The following ELOF1 variants were observed in gnomAD, a reference collection of about 807,000 sequenced individuals.
The protein encoded by ELOF1 is elongation factor 1.
Under a neutral mutation model 7.1 loss-of-function variants are expected in ELOF1, and 4 were observed. That is an observed-to-expected ratio of 0.56 (90% CI 0.28 to 1.29). The LOEUF (loss-of-function observed/expected upper bound fraction) is 1.29, where lower values mean the gene tolerates loss of function less well. ELOF1 is among the 50% of genes most tolerant of loss of function. The pLI is 0.10. For synonymous variants in ELOF1, 31 were observed against 31.9 expected, an observed-to-expected ratio of 0.97 and a Z score of 0.09; for missense variants, 59 against 86.3, an observed-to-expected ratio of 0.68 and a Z score of 1.25.
exon 1 of ELOF1, chr19:11,559,204 G>C (rs551756752): frequency 1.3e-5 from 2 of 152,546 alleles, no homozygotes; most frequent in Admixed American, 6.6e-5. Context: ...CTCCAGCTGC[G>C]AAAGCTCCGT....
At chr19:11,555,776 C>T (rs3848587) in intron 1 of ELOF1, 34,950 of 152,472 alleles carry the variant, frequency 0.23, 7,479 homozygotes, top group African/African-American at 0.57. Flanking sequence ...GCGGTGTGAG[C>T]CATAATCTGG....
intron 1 of ELOF1, 70 bp from the exon 2 acceptor site, chr19:11,554,435 C>G: frequency 6.4e-7 from 1 of 1,558,384 alleles, no homozygotes. Flanking sequence ...CTCTAGAAAG[C>G]AGGCCGGAAA....
intron 1 of ELOF1, among the ~76,000 whole-genome samples, chr19:11,557,993 G>A (rs564087339): frequency 6.6e-6 from 1 of 152,206 alleles, no homozygotes; most frequent in South Asian, 2.1e-4. Flanking sequence ...CTCCAGCCTT[G>A]AGTCTGAACT....
intron 1 of ELOF1, among the ~76,000 whole-genome samples, chr19:11,557,015 A>G (rs187386955): frequency 2.0e-5 from 3 of 151,706 alleles, no homozygotes; most frequent in African/African-American, 7.3e-5. Context: ...GGAAAAAAAA[A>G]CTCTTCATCC....
chr19:11,553,572 GCACACCCACTA>G, intron 3 of ELOF1: 1 of 708,956 alleles, frequency 1.4e-6, no homozygotes, highest in Non-Finnish European at 2.3e-6. Context: ...ACACCCACAC[GCACACCCACTA>G]CACACACACA....
chr19:11,553,596 CACACA>C, intron 3 of ELOF1: 2 of 500,650 alleles, frequency 4.0e-6, no homozygotes, highest in Non-Finnish European at 6.2e-6. Context: ...CACACACACA[CACACA>C]CACACACACA....
chr19:11,555,256 CAAAAAAA>C, intron 1 of ELOF1: 12 of 86,948 alleles, frequency 1.4e-4, no homozygotes, highest in South Asian at 1.2e-3. Context: ...GACTCCGTCT[CAAAAAAA>C]AAAAAAAAAA....
chr19:11,554,592 G>T, intron 1 of ELOF1: 1 of 580,302 alleles, frequency 1.7e-6, no homozygotes, highest in East Asian at 2.9e-5. Flanking sequence ...CACTTACTGC[G>T]TGACCTGGGC....
chr19:11,557,989 C>T (rs1448050963), intron 1 of ELOF1, among the ~76,000 whole-genome samples: 1 of 152,188 alleles, frequency 6.6e-6, no homozygotes, highest in African/African-American at 2.4e-5. Context: ...GCTTCTCCAG[C>T]CTTGAGTCTG....
chr19:11,553,891 G>A (rs758957440), intron 3 of ELOF1, 81 bp from the exon 4 acceptor site: 3 of 1,609,596 alleles, frequency 1.9e-6, no homozygotes, highest in South Asian at 2.2e-5. Flanking sequence ...TCACTAGGTG[G>A]CACCTGTTCC....
intron 2 of ELOF1, 59 bp downstream of exon 2, chr19:11,554,173 G>A: frequency 6.2e-7 from 1 of 1,613,900 alleles, no homozygotes; most frequent in Non-Finnish European, 8.5e-7. Context: ...GGGCAGGATG[G>A]AGAACAGCGG....
intron 3 of ELOF1, chr19:11,553,537 C>T: frequency 1.6e-6 from 1 of 642,758 alleles, no homozygotes; most frequent in African/African-American, 1.9e-5. Flanking sequence ...CGTGCAGCCA[C>T]ACACACCCAC....
chr19:11,553,263 C>T (rs1972756583), intron 3 of ELOF1: 3 of 398,596 alleles, frequency 7.5e-6, no homozygotes, highest in South Asian at 2.6e-4. Flanking sequence ...AGCGGGAAGT[C>T]CAGTTGAGAT....
intron 1 of ELOF1, among the ~76,000 whole-genome samples, chr19:11,557,426 T>C (rs1009162925): frequency 2.6e-5 from 4 of 151,594 alleles, no homozygotes; most frequent in Non-Finnish European, 5.9e-5. Flanking sequence ...TGAAACCCCA[T>C]TTCTACTAAA....
intron 1 of ELOF1, chr19:11,554,591 C>T (rs1223649977): frequency 1.2e-5 from 7 of 580,312 alleles, no homozygotes; most frequent in African/African-American, 1.9e-5. Context: ...TCACTTACTG[C>T]GTGACCTGGG....
chr19:11,556,467 T>A (rs1469566912), intron 1 of ELOF1, among the ~76,000 whole-genome samples: 2 of 151,934 alleles, frequency 1.3e-5, no homozygotes, highest in African/African-American at 4.8e-5. Context: ...GCGTGGCTAA[T>A]TTTTTGTATT....
At chr19:11,555,256 CAAAA>C (rs5827127) in intron 1 of ELOF1, 106 of 87,560 alleles carry the variant, frequency 1.2e-3, no homozygotes, top group South Asian at 0.011. Context: ...GACTCCGTCT[CAAAA>C]AAAAAAAAAA....
At chr19:11,558,457 A>C (rs1972865484) in intron 1 of ELOF1, among the ~76,000 whole-genome samples, 1 of 151,352 alleles carries the variant, frequency 6.6e-6, no homozygotes. Flanking sequence ...TTTGCTTGTA[A>C]CTCTATCACT....
intron 1 of ELOF1, 37 bp from the exon 2 acceptor site, chr19:11,554,402 C>A (rs1346059346): frequency 1.9e-6 from 3 of 1,597,678 alleles, no homozygotes; most frequent in Non-Finnish European, 1.7e-6. Context: ...TTTGAGGAAA[C>A]CACGCAGCGC....
Sources: allele counts gnomAD v4.1 joint callset (sites outside exome capture counted in the v4.1 genomes callset), GRCh38; gene constraint gnomAD v4.1.1; transcripts MANE v1.5; gene names NCBI Gene and HGNC (gene_info 2026-07-23, HGNC 2026-07-21).